The following SECISBP2 variants were observed in gnomAD, a reference collection of about 807,000 sequenced individuals.
SECISBP2 encodes the protein SECIS binding protein 2, also known as selenocysteine insertion sequence-binding protein 2.
Under a neutral mutation model 98.2 loss-of-function variants are expected in SECISBP2, and 96 were observed. That is an observed-to-expected ratio of 0.98 (90% CI 0.83 to 1.16). SECISBP2 has a LOEUF of 1.16. SECISBP2 is among the 50% of genes most tolerant of loss of function. SECISBP2 has a pLI of 0.00. For synonymous variants in SECISBP2, 407 were observed against 370.2 expected (o/e 1.10, Z -1.14); for missense variants, 1,046 against 1,022.9 (o/e 1.02, Z -0.31).
chr9:89,339,415 AAATGACATAGGCATTTTT>A (rs1296236541), intron 8 of SECISBP2, among the ~76,000 whole-genome samples: 1 of 152,250 alleles, frequency 6.6e-6, no homozygotes, highest in African/African-American at 2.4e-5. Flanking sequence ...AATATTGACA[AAATGACATAGGCATTTTT>A]AAGTGATTAA....
intron 5 of SECISBP2, chr9:89,329,150 G>A: frequency 2.3e-6 from 1 of 427,878 alleles, no homozygotes; most frequent in Non-Finnish European, 4.3e-6. Flanking sequence ...GTCTCGCTCT[G>A]TCACCAGGCT....
intron 14 of SECISBP2, chr9:89,356,420 G>A (rs1054932145): frequency 6.6e-6 from 1 of 152,246 alleles, no homozygotes; most frequent in African/African-American, 2.4e-5. Flanking sequence ...ATCATTCTAT[G>A]CAGGAGCATA....
At chr9:89,359,898 G>A (rs1832632554), downstream of SECISBP2, among the ~76,000 whole-genome samples, 1 of 152,120 alleles carries the variant, frequency 6.6e-6, no homozygotes, top group South Asian at 2.1e-4. Context: ...CACAGCCAAT[G>A]GCAGGAAAGA....
intron 7 of SECISBP2, among the ~76,000 whole-genome samples, chr9:89,336,222 G>A (rs528963295): frequency 1.3e-5 from 2 of 148,866 alleles, no homozygotes; most frequent in African/African-American, 4.9e-5. Context: ...TTTTTATAGA[G>A]ACAGGGTTTT....
chr9:89,363,649 A>T, downstream of SECISBP2: 4 of 1,593,068 alleles, frequency 2.5e-6, no homozygotes, highest in South Asian at 4.4e-5. Flanking sequence ...GCCACCGTGC[A>T]AGCATGCTTT....
rs183287980 is a variant in SECISBP2, at chr9:89,336,970, C to T, written c.1090-1488C>T. ...TATTGTTTTAGTAGAGACGGGGTTT[C>T]ACCATGTTGGTCAGGGTGGTCTCGA... On this transcript the variant is annotated intron_variant, in intron 7 of 16. Transcript: ENST00000375807. Among the ~76,000 whole-genome samples, 223 of 152,044 alleles carry T rather than the reference C, an allele frequency of 1.5e-3. 1 individual carries two copies. The highest frequency in any genetic ancestry group is 4.9e-3 in the African/African-American group (205 of 41,494).
rs747983120 is a variant in SECISBP2, at chr9:89,347,031, C to G, written c.1585C>G (p.Pro529Ala). The change falls in exon 11 of 17, where the codon CCA becomes GCA. Residue 529 changes from proline (P) to alanine (A), a missense_variant. Transcript: ENST00000375807. ...GAGGGAGATCCCCAAGGCCAAGAAG[C>G]CAACCTCACTGAAGAAGGTATGTGG... ...KQREIPKAKK[P>A]TSLKKIILKE... 2 of 1,614,106 alleles carry G rather than the reference C, an allele frequency of 1.2e-6. No homozygotes were observed. The highest frequency in any genetic ancestry group is 1.7e-6 in the Non-Finnish European group (2 of 1,179,986).
downstream of SECISBP2, chr9:89,364,280 TC>T: frequency 2.5e-6 from 1 of 403,944 alleles, no homozygotes; most frequent in Non-Finnish European, 4.7e-6. Context: ...TGGAACAGCA[TC>T]CCACCCCACC....
chr9:89,328,825 C>CT lies in SECISBP2; in HGVS notation c.741dup (p.Val248CysfsTer22). ...CAACCCAAGTGGGGACCTGTCCACT[C>CT]TGTCTCTACCGACATTTCTCTTCTA... On this transcript the variant is annotated frameshift_variant, in exon 5 of 17. Coordinates refer to ENST00000375807, the MANE Select transcript of SECISBP2 (RefSeq NM_024077.5). LOFTEE classifies it high-confidence loss of function. 1 of 1,614,220 alleles carries CT rather than the reference C, an allele frequency of 6.2e-7. No individual in the cohort carries two copies. Among genetic ancestry groups the CT allele is most frequent in the Non-Finnish European group, 8.5e-7 (1 of 1,180,018 alleles).
Position 89,339,854 on chromosome 9 carries a change from G to A in SECISBP2, c.1213-10G>A, listed in dbSNP as rs771400087. ...AACAAAAGAGCTAAAGGGGTGTGTG[G>A]TTTACTTAGGATGCCGAGGAATTTC... On this transcript the variant is annotated splice_polypyrimidine_tract_variant and intron_variant, in intron 8 of 16. Transcript: ENST00000375807. 6.2e-7 allele frequency: 1 copy of A among 1,606,438 alleles called. No individual in the cohort carries two copies. Among genetic ancestry groups the A allele is most frequent in the African/African-American group, 1.3e-5 (1 of 74,652 alleles).
Position 89,359,013 on chromosome 9 carries a change from C to T in SECISBP2, c.*189C>T. 1.7e-6 allele frequency: 1 copy of T among 604,094 alleles called. No individual in the cohort carries two copies. The highest frequency in any genetic ancestry group is 2.9e-6 in the Non-Finnish European group (1 of 339,610). The allele number at this position is 604,094 out of a possible 1,614,324, so 37.4% of individuals were successfully genotyped here. ...GTGCTGCGGAGCCTGTTAAAGGTCACTCAGATGTGCAGGTGTTAATCTTCT... is the reference window on the plus strand; with the variant it reads ...GTGCTGCGGAGCCTGTTAAAGGTCATTCAGATGTGCAGGTGTTAATCTTCT... On this transcript the variant is annotated 3_prime_UTR_variant, in exon 17 of 17. Transcript: ENST00000375807.
At chr9:89,323,355 T>TAA (rs1826130410) in intron 2 of SECISBP2, 1 of 152,174 alleles carries the variant, frequency 6.6e-6, no homozygotes, top group African/African-American at 2.4e-5. Context: ...ATGTGTCAGA[T>TAA]GGGTGAGATA....
At chr9:89,363,866 T>C (rs753559113), downstream of SECISBP2, 1 of 1,614,100 alleles carries the variant, frequency 6.2e-7, no homozygotes, top group Non-Finnish European at 8.5e-7. Flanking sequence ...GGCCCTGCCA[T>C]CGGGCAGTGC....
At chr9:89,318,919 T>C (rs1825188453) in intron 1 of SECISBP2, 51 of 1,219,830 alleles carry the variant, frequency 4.2e-5, no homozygotes, top group Non-Finnish European at 5.0e-5. Flanking sequence ...CTGGCGAGCT[T>C]CCCGCGCTCT....
At chr9:89,363,329 G>A, downstream of SECISBP2, 1 of 1,516,810 alleles carries the variant, frequency 6.6e-7, no homozygotes, top group Non-Finnish European at 8.8e-7. Flanking sequence ...GGAACAAGTG[G>A]GGTCCATGCT....
At chr9:89,364,054 GAA>G, downstream of SECISBP2, 2 of 1,601,410 alleles carry the variant, frequency 1.2e-6, no homozygotes, top group Non-Finnish European at 1.7e-6. Context: ...AGTTGGACCT[GAA>G]GTGACTTGGG....
Position 89,348,164 on chromosome 9 carries a change from A to T in SECISBP2, c.1688A>T (p.Asp563Val). 1 of 1,614,204 alleles carries T rather than the reference A, an allele frequency of 6.2e-7. No homozygotes were observed. The highest frequency in any genetic ancestry group is 8.5e-7 in the Non-Finnish European group (1 of 1,180,004). ...GCTTTTACCAGTGATGACACACAAG[A>T]TGGAGAGAGTGGTGGTGATGACCAG... is the stretch of plus-strand genomic sequence containing the variant. ...SPAFTSDDTQ[D>V]GESGGDDQFP... is the part of the protein sequence containing the mutation. Residue 563 changes from aspartate (D) to valine (V), a missense_variant, in exon 12 of 17, where the codon GAT becomes GTT. Coordinates refer to ENST00000375807, the MANE Select transcript of SECISBP2 (RefSeq NM_024077.5).
intron 10 of SECISBP2, among the ~76,000 whole-genome samples, chr9:89,345,315 C>T (rs552970897): frequency 3.0e-4 from 46 of 152,310 alleles, no homozygotes; most frequent in Admixed American, 9.8e-4. Flanking sequence ...TGAATGACCA[C>T]GCTTTGAATT....
chr9:89,341,356 A>G lies in SECISBP2; in HGVS notation c.1312A>G (p.Lys438Glu), dbSNP rs119461977. 6.2e-7 allele frequency: 1 copy of G among 1,613,444 alleles called. No homozygotes were observed. Among genetic ancestry groups the G allele is most frequent in the Non-Finnish European group, 8.5e-7 (1 of 1,179,558 alleles). Residue 438 changes from lysine (K) to glutamate (E), a missense_variant, in exon 10 of 17, where the codon AAA becomes GAA. Coordinates refer to ENST00000375807, the MANE Select transcript of SECISBP2 (RefSeq NM_024077.5). ...AATTTTGAACTTTCAGGATAATTTT[A>G]AAAATAATGTAAAGAAGAGCCAGCT... ...QSKQQPQDNF[K>E]NNVKKSQLPV...
Sources: allele counts gnomAD v4.1 joint callset (sites outside exome capture counted in the v4.1 genomes callset), GRCh38; gene constraint gnomAD v4.1.1; transcripts MANE v1.5; gene names NCBI Gene and HGNC (gene_info 2026-07-23, HGNC 2026-07-21).